Variants in CNOT10 observed in about 807,000 individuals in gnomAD.
The protein encoded by CNOT10 is CCR4-NOT transcription complex subunit 10, also known as CCR4-NOT transcription complex, subunit 10.
Under a neutral mutation model 94.6 loss-of-function variants are expected in CNOT10, and 30 were observed. The ratio of observed to expected loss-of-function variants is 0.32; its 90% CI spans 0.24 to 0.43. The LOEUF is 0.43. Ranked by LOEUF, CNOT10 falls within the 20% of genes least tolerant of loss-of-function variation. CNOT10 has a pLI of 1.00. For missense variants in CNOT10, 759 were observed against 877.2 expected, an observed-to-expected ratio of 0.87 and a Z score of 1.70; for synonymous variants, 289 against 301.6, an observed-to-expected ratio of 0.96 and a Z score of 0.43.
chr3:32,766,028 G>A lies in CNOT10; in HGVS notation c.2004+1219G>A, dbSNP rs1700633005. On this transcript the variant is annotated intron_variant, in intron 17 of 18. Coordinates refer to ENST00000328834, the MANE Select transcript of CNOT10 (RefSeq NM_015442.3). Reference sequence around the variant, plus strand: ...ATTTTTTTTTTTTTTTTTTTGAGACGGAGTTTCGCTCTTGTTGCCCAGACT... The same window carrying A: ...ATTTTTTTTTTTTTTTTTTTGAGACAGAGTTTCGCTCTTGTTGCCCAGACT... Among the ~76,000 whole-genome samples, 2 of 39,388 alleles carry A rather than the reference G, an allele frequency of 5.1e-5. 1 individual carries two copies. The highest frequency in any genetic ancestry group is 1.1e-4 in the Non-Finnish European group (2 of 18,586). The allele number at this position is 39,388 out of a possible 152,430, so 25.8% of individuals were successfully genotyped here.
At chr3:32,703,293 C>G (rs1027200729) in intron 1 of CNOT10, among the ~76,000 whole-genome samples, 3 of 152,068 alleles carry the variant, frequency 2.0e-5, no homozygotes, top group Admixed American at 1.3e-4. Context: ...AAGATGAAAA[C>G]TAGGGACAAA....
At chr3:32,686,885 G>C (rs1192210250) in intron 1 of CNOT10, among the ~76,000 whole-genome samples, 1 of 152,150 alleles carries the variant, frequency 6.6e-6, no homozygotes, top group Non-Finnish European at 1.5e-5. Context: ...CATTCGCAAA[G>C]ATTGAGTGTT....
chr3:32,728,780 G>C (rs573994671), intron 10 of CNOT10, among the ~76,000 whole-genome samples: 1 of 152,096 alleles, frequency 6.6e-6, no homozygotes, highest in South Asian at 2.1e-4. Flanking sequence ...GCTGGCGTAA[G>C]AATAGTGTGT....
At position 32,727,612 on chromosome 3, in the gene CNOT10, A is replaced by G. The variant is rs879149359; in HGVS notation, c.1013-56A>G. 96 of 1,142,824 alleles carry G rather than the reference A, an allele frequency of 8.4e-5. 1 individual carries two copies. In the South Asian group the frequency reaches 1.1e-3, roughly 13 times the overall value. The allele number at this position is 1,142,824 out of a possible 1,614,324, so 70.8% of individuals were successfully genotyped here. A position where few individuals can be genotyped will look rare whatever the true frequency, so the allele number is the denominator to read the frequency against. On this transcript the variant is annotated intron_variant, in intron 9 of 18. Transcript: ENST00000328834. ...AGTACTTAATGGAGTAAATGTTTTC[A>G]AGGTTACTATTACTGTAAATCTAAT...
At chr3:32,714,576 G>T (rs1009428913) in intron 5 of CNOT10, among the ~76,000 whole-genome samples, 1 of 152,110 alleles carries the variant, frequency 6.6e-6, no homozygotes, top group Non-Finnish European at 1.5e-5. Flanking sequence ...GGGCATGGTG[G>T]CACACAACTG....
intron 10 of CNOT10, among the ~76,000 whole-genome samples, chr3:32,729,112 CAT>C (rs768792191): frequency 1.3e-5 from 2 of 152,128 alleles, no homozygotes; most frequent in Non-Finnish European, 2.9e-5. Context: ...GTTCTGATAA[CAT>C]AATGTGGAAA....
At chr3:32,699,287 A>G (rs1029578248) in intron 1 of CNOT10, among the ~76,000 whole-genome samples, 3 of 152,204 alleles carry the variant, frequency 2.0e-5, no homozygotes, top group Admixed American at 6.5e-5. Flanking sequence ...TGTTTCTTTT[A>G]TTTAACAACA....
At chr3:32,695,476 C>T in intron 1 of CNOT10, 1 of 1,182,894 alleles carries the variant, frequency 8.5e-7, no homozygotes, top group Non-Finnish European at 1.2e-6. Flanking sequence ...ATGAGTGTAG[C>T]TTGTAGTCTC....
At chr3:32,752,488 G>A (rs531895461) in intron 13 of CNOT10, among the ~76,000 whole-genome samples, 7 of 152,242 alleles carry the variant, frequency 4.6e-5, no homozygotes, top group African/African-American at 1.7e-4. Flanking sequence ...TGCTGCCCAG[G>A]ATAAGACTGG....
intron 10 of CNOT10, 111 bp from the exon 11 acceptor site, chr3:32,733,312 G>T: frequency 1.2e-6 from 1 of 834,934 alleles, no homozygotes; most frequent in Non-Finnish European, 1.8e-6. Context: ...AGTCCTCATT[G>T]ACTTTAAGAA....
At chr3:32,715,668 C>T (rs966819070) in intron 5 of CNOT10, among the ~76,000 whole-genome samples, 2 of 152,220 alleles carry the variant, frequency 1.3e-5, no homozygotes, top group Non-Finnish European at 2.9e-5. Context: ...TGGAGACCCC[C>T]GTCTCTATGA....
intron 13 of CNOT10, among the ~76,000 whole-genome samples, chr3:32,758,658 A>G (rs2125629495): frequency 6.6e-6 from 1 of 152,328 alleles, no homozygotes; most frequent in South Asian, 2.1e-4. Flanking sequence ...TCTATTTGAC[A>G]AGGGTTTATT....
At position 32,734,938 on chromosome 3, in the gene CNOT10, T is replaced by A; in HGVS notation, c.1476T>A (p.Gly492=). The change falls in exon 12 of 19, where the codon GGT becomes GGA. Residue 492 remains glycine (G), a synonymous_variant. Coordinates refer to ENST00000328834, the MANE Select transcript of CNOT10 (RefSeq NM_015442.3). ...ENGAKNSNQL[G]GNTESSESSE... ...GGGCTAAAAATAGTAATCAATTAGG[T>A]GGGAACACAGAGAGCAGCGAAAGCA... 6.2e-7 allele frequency: 1 copy of A among 1,614,082 alleles called. No homozygotes were observed. The highest frequency in any genetic ancestry group is 8.5e-7 in the Non-Finnish European group (1 of 1,179,976).
intron 13 of CNOT10, among the ~76,000 whole-genome samples, chr3:32,752,066 A>T (rs1005302328): frequency 2.0e-5 from 3 of 151,866 alleles, no homozygotes; most frequent in African/African-American, 7.3e-5. Flanking sequence ...AGGCAGGTGG[A>T]TCACCTGAGG....
chr3:32,772,239 A>G (rs757764494), intron 18 of CNOT10, among the ~76,000 whole-genome samples: 1 of 152,156 alleles, frequency 6.6e-6, no homozygotes, highest in Non-Finnish European at 1.5e-5. Context: ...AGTTCCAGCT[A>G]CTCAGCAGGC....
chr3:32,753,591 T>A (rs1284286785), intron 13 of CNOT10: 29 of 1,585,108 alleles, frequency 1.8e-5, no homozygotes, highest in Non-Finnish European at 2.5e-5. Context: ...AGCAAGGAGA[T>A]GTGCCTACAC....
intron 11 of CNOT10, among the ~76,000 whole-genome samples, chr3:32,734,365 A>G (rs187759646): frequency 1.2e-4 from 19 of 152,308 alleles, no homozygotes; most frequent in Admixed American, 3.3e-4. Flanking sequence ...TTGGTGTTTC[A>G]AAGTGTATAG....
At position 32,753,188 on chromosome 3, in the gene CNOT10, T is replaced by G. The variant is rs1040827100; in HGVS notation, c.1596-6270T>G. 9.0e-6 allele frequency: 6 copies of G among 665,386 alleles called. No individual in the cohort carries two copies. The African/African-American group carries it at 1.1e-4, about 12-fold the overall frequency. 41.2% of individuals were successfully genotyped at this position (665,386 alleles called of 1,614,324 possible). On this transcript the variant is annotated intron_variant, in intron 13 of 18. Coordinates refer to ENST00000328834, the MANE Select transcript of CNOT10 (RefSeq NM_015442.3). ...AACATGTGAATACTATGAAAAAAAC[T>G]ATGCTGCTGCCCTAGAAATTTTTAC...
chr3:32,757,170 A>ATTTTTTT lies in CNOT10; in HGVS notation c.1596-2268_1596-2262dup, dbSNP rs1173513009. ...TGTCATTCACATAGGCCCTGAACTA[A>ATTTTTTT]TTTTTTTTTTTTTTTTTTTTTTTTT... On this transcript the variant is annotated intron_variant, in intron 13 of 18. Coordinates refer to ENST00000328834, the MANE Select transcript of CNOT10 (RefSeq NM_015442.3). Among the ~76,000 whole-genome samples the ATTTTTTT allele has an allele frequency of 1.6e-3, 125 of 78,296 alleles. 23 individuals carry two copies. The highest frequency in any genetic ancestry group is 5.2e-3 in the African/African-American group (94 of 18,024). The allele number at this position is 78,296 out of a possible 152,430, so 51.4% of individuals were successfully genotyped here.
Sources: allele counts gnomAD v4.1 joint callset (sites outside exome capture counted in the v4.1 genomes callset), GRCh38; gene constraint gnomAD v4.1.1; transcripts MANE v1.5; gene names NCBI Gene and HGNC (gene_info 2026-07-23, HGNC 2026-07-21).